The following ZFAT variants were observed in gnomAD, a reference collection of about 807,000 sequenced individuals.
ZFAT encodes zinc finger protein ZFAT.
ZFAT carries 64 observed loss-of-function variants against 117.7 expected under a neutral mutation model. That is an observed-to-expected ratio of 0.54 (90% CI 0.44 to 0.67). The LOEUF is 0.67. Among genes scored for constraint, ZFAT ranks in the 30% least tolerant of loss-of-function variants. The pLI is 0.00. For synonymous variants in ZFAT, 679 were observed against 615.0 expected, an observed-to-expected ratio of 1.10 and a Z score of -1.54; for missense variants, 1,433 against 1,584.5, an observed-to-expected ratio of 0.90 and a Z score of 1.62.
intron 2 of ZFAT, among the ~76,000 whole-genome samples, chr8:134,649,284 C>T (rs1293552101): frequency 1.3e-5 from 2 of 151,928 alleles, no homozygotes; most frequent in African/African-American, 4.8e-5. Flanking sequence ...ATCATTTCCA[C>T]TCAACCCTGT....
chr8:134,661,845 T>C (rs1831949511), intron 1 of ZFAT, among the ~76,000 whole-genome samples: 1 of 152,100 alleles, frequency 6.6e-6, no homozygotes, highest in Non-Finnish European at 1.5e-5. Context: ...AGGATGCAGA[T>C]GCCTACTAGG....
intron 2 of ZFAT, among the ~76,000 whole-genome samples, chr8:134,656,231 A>G (rs1162748543): frequency 1.3e-5 from 2 of 152,120 alleles, no homozygotes; most frequent in African/African-American, 4.8e-5. Flanking sequence ...CCTCTACCCC[A>G]AAGCAAAGGG....
At chr8:134,716,429 C>T (rs1002883724), upstream of ZFAT, among the ~76,000 whole-genome samples, 5 of 152,182 alleles carry the variant, frequency 3.3e-5, no homozygotes, top group African/African-American at 9.7e-5. Flanking sequence ...TTTCCAGTGG[C>T]CATGGAGTGC....
the ZFAT span, among the ~76,000 whole-genome samples, chr8:134,825,553 C>T: frequency 6.6e-6 from 1 of 152,080 alleles, no homozygotes; most frequent in Non-Finnish European, 1.5e-5. Flanking sequence ...AAACAACAAC[C>T]CTGGAGCACT....
the ZFAT span, among the ~76,000 whole-genome samples, chr8:134,734,151 C>G: frequency 6.6e-6 from 1 of 152,242 alleles, no homozygotes; most frequent in Non-Finnish European, 1.5e-5. Context: ...CTGTCCTCTG[C>G]TGTGGGCTGC....
At chr8:134,800,356 T>G in the ZFAT span, among the ~76,000 whole-genome samples, 1 of 152,154 alleles carries the variant, frequency 6.6e-6, no homozygotes, top group African/African-American at 2.4e-5. Flanking sequence ...GCAAACATAT[T>G]CAAGTAGATC....
intron 15 of ZFAT, among the ~76,000 whole-genome samples, chr8:134,487,233 G>A (rs925843396): frequency 2.0e-5 from 3 of 152,110 alleles, no homozygotes; most frequent in Admixed American, 1.3e-4. Flanking sequence ...ATCTCTCCTG[G>A]CTCATGCTTC....
chr8:134,698,188 T>C (rs1833921404), intron 1 of ZFAT, among the ~76,000 whole-genome samples: 1 of 151,620 alleles, frequency 6.6e-6, no homozygotes, highest in African/African-American at 2.4e-5. Flanking sequence ...TAGCTGTGCG[T>C]GGTGGCAGAT....
intron 12 of ZFAT, among the ~76,000 whole-genome samples, chr8:134,521,544 G>A (rs78607481): frequency 0.014 from 2,099 of 151,970 alleles, 49 homozygotes; most frequent in African/African-American, 0.047. Context: ...ATCCTGAAAC[G>A]TCATTATTTA....
the ZFAT span, among the ~76,000 whole-genome samples, chr8:134,812,261 A>G: frequency 1.3e-5 from 2 of 152,242 alleles, no homozygotes; most frequent in Non-Finnish European, 2.9e-5. Flanking sequence ...GCACATAGCT[A>G]GTATGCAATA....
At chr8:134,665,091 C>T (rs1186868605) in intron 1 of ZFAT, among the ~76,000 whole-genome samples, 3 of 152,226 alleles carry the variant, frequency 2.0e-5, no homozygotes, top group Non-Finnish European at 4.4e-5. Context: ...CTCTGACCTC[C>T]CTGCCTGCTC....
In ZFAT at chr8:134,478,272, A is replaced by T; in HGVS notation, c.*210T>A. On this transcript the variant is annotated 3_prime_UTR_variant, in exon 16 of 16. Transcript: ENST00000377838. The surrounding 1 kb of genome is among the most constrained non-coding windows in gnomAD (Gnocchi z 5.2). ...GGTAAGGGTCAGGGGGTGTGTGTCT[A>T]TGCTGGGGTGAGGGTCCTGTGGTAT... The T allele has an allele frequency of 1.6e-6, 1 of 640,612 alleles. No individual in the cohort carries two copies. The highest frequency in any genetic ancestry group is 2.7e-6 in the Non-Finnish European group (1 of 375,434). The allele number at this position is 640,612 out of a possible 1,614,324, so 39.7% of individuals were successfully genotyped here.
intron 12 of ZFAT, among the ~76,000 whole-genome samples, chr8:134,524,648 A>G (rs1194953093): frequency 6.6e-6 from 1 of 152,152 alleles, no homozygotes; most frequent in Admixed American, 6.5e-5. Flanking sequence ...TACAACACAC[A>G]GGACAGCCCC....
intron 1 of ZFAT, among the ~76,000 whole-genome samples, chr8:134,661,259 G>A (rs1196223104): frequency 2.0e-5 from 3 of 152,192 alleles, no homozygotes; most frequent in African/African-American, 4.8e-5. Flanking sequence ...AGGAGGGAGG[G>A]AAATGAGTGG....
chr8:134,569,591 TTTC>T (rs1288223155), intron 10 of ZFAT, among the ~76,000 whole-genome samples: 2 of 152,174 alleles, frequency 1.3e-5, no homozygotes, highest in Non-Finnish European at 2.9e-5. Context: ...CCCTGGGTTC[TTTC>T]TTCTATGCTA....
chr8:134,602,918 C>T lies in ZFAT; in HGVS notation c.801G>A (p.Gln267=). ...PMKSSRLGPT[Q]LKIFTCEYCN... ...AGTATTCACAAGTGAAGATTTTGAG[C>T]TGAGTGGGACCTAGCCTAGAAACAG... Residue 267 remains glutamine, a synonymous_variant, in exon 6 of 16, where the codon CAG becomes CAA. Transcript: ENST00000377838. 1 of 1,609,146 alleles carries T rather than the reference C, an allele frequency of 6.2e-7. No individual in the cohort carries two copies. Among genetic ancestry groups the T allele is most frequent in the Admixed American group, 1.7e-5 (1 of 59,758 alleles).
chr8:134,666,340 C>T (rs957503512), intron 1 of ZFAT, among the ~76,000 whole-genome samples: 20 of 152,118 alleles, frequency 1.3e-4, no homozygotes, highest in Admixed American at 1.0e-3. Flanking sequence ...CTGCTAAAAC[C>T]GAAGATTTAA....
the ZFAT span, among the ~76,000 whole-genome samples, chr8:134,754,317 AAC>A: frequency 6.6e-6 from 1 of 152,222 alleles, no homozygotes; most frequent in East Asian, 1.9e-4. Context: ...GATATTTGGC[AAC>A]AGTTATGACA....
At chr8:134,566,988 C>T (rs1824515518) in intron 10 of ZFAT, among the ~76,000 whole-genome samples, 1 of 152,190 alleles carries the variant, frequency 6.6e-6, no homozygotes, top group Admixed American at 6.5e-5. Flanking sequence ...GCCCACACTC[C>T]TACTCTAAGT....
Sources: gnomAD v4.1 joint callset for allele counts (sites outside exome capture counted in the v4.1 genomes callset) on GRCh38, gnomAD v4.1.1 for gene constraint, Gnocchi (gnomAD v3.1) non-coding constraint, MANE v1.5 for transcripts, NCBI Gene and HGNC (gene_info 2026-07-23, HGNC 2026-07-21) for gene names.